The following NOA1 variants were observed in gnomAD, a reference collection of about 807,000 sequenced individuals.
The protein encoded by NOA1 is nitric oxide-associated protein 1.
A neutral mutation model predicts 58.4 loss-of-function variants in NOA1; 35 were observed. That is an observed-to-expected ratio of 0.60 (90% CI 0.46 to 0.79). The LOEUF is 0.79. Ranked by LOEUF, NOA1 falls within the 30% of genes least tolerant of loss-of-function variation. The pLI is 0.00. For synonymous variants in NOA1, 397 were observed against 373.4 expected (o/e 1.06, Z -0.73); for missense variants, 895 against 894.6 (o/e 1.00, Z -0.01).
intron 1 of NOA1, 42 bp from the exon 2 acceptor site, chr4:56,974,064 A>ATTTT: frequency 7.3e-7 from 1 of 1,366,750 alleles, no homozygotes; most frequent in Non-Finnish European, 1.0e-6. Flanking sequence ...AAAGGGAATA[A>ATTTT]GGGGGAAGAA....
intron 2 of NOA1, 101 bp downstream of exon 2, chr4:56,973,757 C>T: frequency 8.6e-7 from 1 of 1,159,028 alleles, no homozygotes; most frequent in South Asian, 1.4e-5. Context: ...GGCAGTCTCT[C>T]CCCACAAAAA....
intron 1 of NOA1, among the ~76,000 whole-genome samples, chr4:56,976,100 A>G (rs920994550): frequency 6.6e-6 from 1 of 152,240 alleles, no homozygotes; most frequent in Admixed American, 6.5e-5. Context: ...GACAGTAAAA[A>G]GGACGCACAC....
At position 56,976,912 on chromosome 4, in the gene NOA1, T is replaced by A; in HGVS notation, c.674A>T (p.Asp225Val). 6.2e-7 allele frequency: 1 copy of A among 1,611,602 alleles called. No homozygotes were observed. Among genetic ancestry groups the A allele is most frequent in the Non-Finnish European group, 8.5e-7 (1 of 1,179,772 alleles). The change falls in exon 1 of 7, where the codon GAC becomes GTC. Residue 225 changes from aspartate (D) to valine (V), a missense_variant. This residue lies in a region of NOA1 where 680 missense variants were observed against 656.5 expected (regional missense o/e 1.04). Coordinates refer to ENST00000264230, the MANE Select transcript of NOA1 (RefSeq NM_032313.4). ...GTCGGGCAGCAGGGCGTCGGGCAGGTCCAGCAGGTCCACCATGTAGAGCAC... is the reference window on the plus strand; with the variant it reads ...GTCGGGCAGCAGGGCGTCGGGCAGGACCAGCAGGTCCACCATGTAGAGCAC... The part of the protein sequence containing the change: ...SLVLYMVDLL[D>V]LPDALLPDLP...
Position 56,976,721 on chromosome 4 carries a change from G to C in NOA1, c.865C>G (p.Pro289Ala). Residue 289 changes from proline to alanine, a missense_variant, in exon 1 of 7, where the codon CCC becomes GCC. By Grantham distance (27) the Pro-to-Ala change is conservative. Transcript: ENST00000264230. ...CCGTCCTGTGGCTCGTCCTTGACGG[G>C]GCGCTGTGGCCCTTGGTGGCCAGGG... Reference protein sequence around the residue: ...LAPGHQGPQRPVKDEPQDGEN... With the variant: ...LAPGHQGPQRAVKDEPQDGEN... 1 of 1,612,450 alleles carries C rather than the reference G, an allele frequency of 6.2e-7. No homozygotes were observed. Among genetic ancestry groups the C allele is most frequent in the Non-Finnish European group, 8.5e-7 (1 of 1,179,232 alleles).
rs778824904 is a variant in NOA1, at chr4:56,977,049, G to C, written c.537C>G (p.Cys179Trp). 5.7e-5 allele frequency: 90 copies of C among 1,583,624 alleles called. No individual in the cohort carries two copies. The highest frequency in any genetic ancestry group is 1.2e-4 in the Admixed American group (7 of 57,946). Reference sequence around the variant, plus strand: ...GGTGCGACAGCAGCCAGCAGCGCTGGCACACGGTCCGTGCCAGCCCGCCGT... The same window carrying C: ...GGTGCGACAGCAGCCAGCAGCGCTGCCACACGGTCCGTGCCAGCCCGCCGT... ...EADGGLARTV[C>W]QRCWLLSHHR... Residue 179 changes from cysteine (C) to tryptophan (W), a missense_variant, in exon 1 of 7, where the codon TGC becomes TGG. By Grantham distance (215) the Cys-to-Trp change is radical (BLOSUM62 -2). Transcript: ENST00000264230.
At chr4:56,976,366 A>G (rs373910039) in intron 1 of NOA1, 76 bp downstream of exon 1, 81 of 1,298,236 alleles carry the variant, frequency 6.2e-5, no homozygotes, top group Non-Finnish European at 8.4e-5. Context: ...TTAAGGGAGG[A>G]TGTACTCGGT....
chr4:56,976,374 G>A (rs1721921277), intron 1 of NOA1, 68 bp downstream of exon 1: 1 of 1,395,290 alleles, frequency 7.2e-7, no homozygotes, highest in Non-Finnish European at 9.8e-7. Context: ...GGATGTACTC[G>A]GTGCCTCGGC....
chr4:56,968,002 C>T (rs1721746982), intron 4 of NOA1, among the ~76,000 whole-genome samples: 2 of 151,676 alleles, frequency 1.3e-5, no homozygotes, highest in Non-Finnish European at 2.9e-5. Flanking sequence ...ACTGCAGCCT[C>T]CGCCTCCCAG....
Position 56,977,348 on chromosome 4 carries a change from C to A in NOA1, c.238G>T (p.Asp80Tyr). The A allele has an allele frequency of 6.2e-7, 1 of 1,614,196 alleles. No individual in the cohort carries two copies. The change falls in exon 1 of 7, where the codon GAT (aspartate) becomes TAT (tyrosine). Residue 80 changes from aspartate to tyrosine, a missense_variant. Coordinates refer to ENST00000264230, the MANE Select transcript of NOA1 (RefSeq NM_032313.4). ...ERFLFPEYILDPEPQPTREKQ... is the reference protein window; with the variant it reads ...ERFLFPEYILYPEPQPTREKQ... ...TCGCGGGTGGGTTGCGGCTCCGGAT[C>A]CAGGATGTACTCCGGGAACAGAAAA...
rs1560462598 is a variant in NOA1, at chr4:56,963,461, TCTTTC to T, written c.2081_2085del (p.Gly694AspfsTer23). On this transcript the variant is annotated frameshift_variant, in exon 7 of 7. Transcript: ENST00000264230. LOFTEE classifies it high-confidence loss of function. ...GAACAAGGTCGGTCTCATACATTTA[TCTTTC>T]CTTTCTTCTTCCTCACGTTGTACAT... 2 of 1,614,020 alleles carry T rather than the reference TCTTTC, an allele frequency of 1.2e-6. No individual in the cohort carries two copies. The highest frequency in any genetic ancestry group is 1.7e-6 in the Non-Finnish European group (2 of 1,179,862).
At chr4:56,965,726 G>GTGTA (rs1311538223) in intron 5 of NOA1, among the ~76,000 whole-genome samples, 4 of 145,078 alleles carry the variant, frequency 2.8e-5, no homozygotes, top group Admixed American at 2.1e-4. Context: ...GTGTGTGTGT[G>GTGTA]TATTGGTGAT....
At position 56,977,028 on chromosome 4, in the gene NOA1, C is replaced by A. The variant is rs757126766; in HGVS notation, c.558G>T (p.Ser186=). 6.3e-7 allele frequency: 1 copy of A among 1,587,378 alleles called. No homozygotes were observed. Among genetic ancestry groups the A allele is most frequent in the South Asian group, 1.1e-5 (1 of 90,448 alleles). ...RTVCQRCWLL[S]HHRRALRLQV... is the part of the protein sequence containing the mutation. ...GCAGGCGTAGAGCGCGCCGGTGGTG[C>A]GACAGCAGCCAGCAGCGCTGGCACA... Residue 186 remains serine (S), a synonymous_variant, in exon 1 of 7, where the codon TCG becomes TCT. Transcript: ENST00000264230.
Position 56,973,100 on chromosome 4 carries a change from A to G in NOA1, c.1515+48T>C, listed in dbSNP as rs567941328. 7.1e-6 allele frequency: 11 copies of G among 1,553,646 alleles called. No individual in the cohort carries two copies. The African/African-American group carries it at 1.1e-4, about 15-fold the overall frequency. On this transcript the variant is annotated intron_variant, in intron 3 of 6. Transcript: ENST00000264230. Reference sequence around the variant, plus strand: ...GGGCAGCAGGCAATATAAACCCATTAAAAAAGAAAAAGAAAGTAAATGTTT... The same window carrying G: ...GGGCAGCAGGCAATATAAACCCATTGAAAAAGAAAAAGAAAGTAAATGTTT...
At position 56,973,204 on chromosome 4, in the gene NOA1, C is replaced by T. The variant is rs1485602062; in HGVS notation, c.1459G>A (p.Asp487Asn). 1 of 1,614,128 alleles carries T rather than the reference C, an allele frequency of 6.2e-7. No individual in the cohort carries two copies. Among genetic ancestry groups the T allele is most frequent in the Non-Finnish European group, 8.5e-7 (1 of 1,180,018 alleles). Residue 487 changes from aspartate (D) to asparagine (N), a missense_variant, in exon 3 of 7, where the codon GAT becomes AAT. This residue lies in a region of NOA1 where 680 missense variants were observed against 656.5 expected (regional missense o/e 1.04). Transcript: ENST00000264230. ...STKQVELTAQ[D>N]VKDAHWFYDT... ...TAAAACCAGTGGGCATCTTTCACATCTTGTGCAGTCAATTCTACTTGTTTG... is the reference window on the plus strand; with the variant it reads ...TAAAACCAGTGGGCATCTTTCACATTTTGTGCAGTCAATTCTACTTGTTTG...
rs371809140 is a variant in NOA1 at position 56,977,127 on chromosome 4, G to A, written c.459C>T (p.Ala153=). The stretch of plus-strand genomic sequence containing the variant: ...CTCGGGGCAGGTAGCCGGGCACTCC[G>A]GCGTCCTGGCAGTGCAGCTCTGCCC... The part of the protein sequence containing the change: ...GCGAELHCQD[A]GVPGYLPREK... Residue 153 remains alanine (A), a synonymous_variant, in exon 1 of 7, where the codon GCC becomes GCT. Coordinates refer to ENST00000264230, the MANE Select transcript of NOA1 (RefSeq NM_032313.4). The A allele has an allele frequency of 2.6e-6, 4 of 1,554,624 alleles. No homozygotes were observed. Among genetic ancestry groups the A allele is most frequent in the Non-Finnish European group, 3.5e-6 (4 of 1,152,988 alleles).
At position 56,973,901 on chromosome 4, in the gene NOA1, T is replaced by C. The variant is rs1259090010; in HGVS notation, c.1266A>G (p.Glu422=). The C allele has an allele frequency of 5.6e-6, 9 of 1,614,210 alleles. No individual in the cohort carries two copies. Among genetic ancestry groups the C allele is most frequent in the Non-Finnish European group, 7.6e-6 (9 of 1,180,038 alleles). The change falls in exon 2 of 7, where the codon GAA becomes GAG. Residue 422 remains glutamate, a synonymous_variant. Transcript: ENST00000264230. The part of the protein sequence containing the change: ...TQAEEDLSEQ[E]QNQLNVLKKH... ...TTTTGAGGACATTAAGCTGATTTTGTTCTTGCTCACTAAGATCTTCTTCAG... is the reference window on the plus strand; with the variant it reads ...TTTTGAGGACATTAAGCTGATTTTGCTCTTGCTCACTAAGATCTTCTTCAG...
At chr4:56,964,588 G>T in intron 5 of NOA1, 62 bp from the exon 6 acceptor site, 1 of 1,515,340 alleles carries the variant, frequency 6.6e-7, no homozygotes, top group Non-Finnish European at 9.1e-7. Context: ...CTAACATTAA[G>T]CAAATCACTG....
At position 56,973,875 on chromosome 4, in the gene NOA1, T is replaced by C. The variant is rs781461529; in HGVS notation, c.1292A>G (p.Lys431Arg). 6.2e-7 allele frequency: 1 copy of C among 1,614,142 alleles called. No homozygotes were observed. Among genetic ancestry groups the C allele is most frequent in the South Asian group, 1.1e-5 (1 of 91,078 alleles). ...ATGCTTACCTACGACATAACCATGCTTTTTGAGGACATTAAGCTGATTTTG... is the reference window on the plus strand; with the variant it reads ...ATGCTTACCTACGACATAACCATGCCTTTTGAGGACATTAAGCTGATTTTG... ...QEQNQLNVLK[K>R]HGYVVGRVGR... Residue 431 changes from lysine (K) to arginine (R), a missense_variant, in exon 2 of 7, where the codon AAG (lysine) becomes AGG (arginine). Coordinates refer to ENST00000264230, the MANE Select transcript of NOA1 (RefSeq NM_032313.4).
At chr4:56,964,964 A>T (rs1313835416) in intron 5 of NOA1, among the ~76,000 whole-genome samples, 1 of 151,532 alleles carries the variant, frequency 6.6e-6, no homozygotes, top group Non-Finnish European at 1.5e-5. Flanking sequence ...TTTAGCTTTT[A>T]TGTTTACAGG....
Sources: gnomAD v4.1 joint callset for allele counts (sites outside exome capture counted in the v4.1 genomes callset) on GRCh38, gnomAD v4.1.1 for gene constraint, gnomAD v4.1.1 regional missense constraint, MANE v1.5 for transcripts, NCBI Gene and HGNC (gene_info 2026-07-23, HGNC 2026-07-21) for gene names.